The following SH3RF3 variants were observed in gnomAD, a reference collection of about 807,000 sequenced individuals.
SH3RF3 encodes the protein SH3 domain containing ring finger 3.
SH3RF3 carries 29 observed loss-of-function variants against 66.3 expected under a neutral mutation model. That is an observed-to-expected ratio of 0.44 (90% CI 0.33 to 0.60). The LOEUF (loss-of-function observed/expected upper bound fraction) is 0.60, where lower values mean the gene tolerates loss of function less well. SH3RF3 is among the 20% of genes least tolerant of loss of function. The pLI, the probability that SH3RF3 is intolerant of heterozygous loss-of-function variation, is 0.04. For missense variants in SH3RF3, 1,194 were observed against 1,190.9 expected (o/e 1.00, Z -0.04); for synonymous variants, 583 against 532.0 (o/e 1.10, Z -1.32).
intron 1 of SH3RF3, among the ~76,000 whole-genome samples, chr2:109,212,238 A>G (rs1679002452): frequency 6.6e-6 from 1 of 151,948 alleles, no homozygotes; most frequent in African/African-American, 2.4e-5. Context: ...TTGACTCCTC[A>G]CTTCCCTCCA....
chr2:109,300,148 G>A (rs1418491783), intron 1 of SH3RF3, among the ~76,000 whole-genome samples: 5 of 152,058 alleles, frequency 3.3e-5, no homozygotes, highest in Admixed American at 6.5e-5. Context: ...GCACACACAG[G>A]GATGGGAAGA....
intron 1 of SH3RF3, among the ~76,000 whole-genome samples, chr2:109,204,635 C>A (rs1012354845): frequency 6.6e-6 from 1 of 152,248 alleles, no homozygotes; most frequent in Non-Finnish European, 1.5e-5. Flanking sequence ...CCAGGTGTGA[C>A]AACCCACACA....
intron 4 of SH3RF3, among the ~76,000 whole-genome samples, chr2:109,406,589 GAAA>G (rs1676459082): frequency 5.9e-5 from 9 of 152,166 alleles, no homozygotes; most frequent in Admixed American, 2.0e-4. Context: ...TTTGGTAAAT[GAAA>G]GCTTTGCTGG....
At chr2:109,204,436 G>T (rs1240333834) in intron 1 of SH3RF3, among the ~76,000 whole-genome samples, 1 of 152,194 alleles carries the variant, frequency 6.6e-6, no homozygotes, top group Non-Finnish European at 1.5e-5. Flanking sequence ...AAAATCTGCT[G>T]TAGTTTTTGT....
chr2:109,446,787 G>A lies in SH3RF3; in HGVS notation c.1829-2383G>A, dbSNP rs142231853. On this transcript the variant is annotated intron_variant, in intron 7 of 9. Coordinates refer to ENST00000309415, the MANE Select transcript of SH3RF3 (RefSeq NM_001099289.3). ...ACTCCCTCTCTTCTTTGGTGCCTGG[G>A]ATGAGCAAAGTAGTGCGGCAGGCGA... Among the ~76,000 whole-genome samples the A allele has an allele frequency of 5.1e-3, 770 of 152,222 alleles. 5 individuals are homozygous for A. The highest frequency in any genetic ancestry group is 0.034 in the Middle Eastern group (10 of 294).
intron 8 of SH3RF3, among the ~76,000 whole-genome samples, chr2:109,458,597 A>AGAGAGAGAGAGAGT (rs1286372576): frequency 1.8e-4 from 27 of 150,474 alleles, no homozygotes; most frequent in African/African-American, 6.7e-4. Flanking sequence ...AGAGAGAGAG[A>AGAGAGAGAGAGAGT]GAGAATTTAT....
At chr2:109,437,186 G>A (rs1677429915) in intron 7 of SH3RF3, 40 bp downstream of exon 7, 3 of 1,568,918 alleles carry the variant, frequency 1.9e-6, no homozygotes, top group Non-Finnish European at 2.6e-6. Flanking sequence ...GCATCAACAA[G>A]GGGGCTTCCT....
rs534801065 is a variant in SH3RF3 at position 109,318,725 on chromosome 2, G to A, written c.574-28949G>A. Reference sequence around the variant, plus strand: ...CCAGAATCCGGGGCTGCCCTGGCCAGCCGCCAGATACTGACCCTTCTGGTC... The same window carrying A: ...CCAGAATCCGGGGCTGCCCTGGCCAACCGCCAGATACTGACCCTTCTGGTC... On this transcript the variant is annotated intron_variant, in intron 1 of 9. Transcript: ENST00000309415. Among the ~76,000 whole-genome samples, 313 of 152,304 alleles carry A rather than the reference G, an allele frequency of 2.1e-3. 1 individual carries two copies. Among genetic ancestry groups the A allele is most frequent in the African/African-American group, 6.9e-3 (286 of 41,572 alleles).
intron 1 of SH3RF3, among the ~76,000 whole-genome samples, chr2:109,234,975 C>A (rs1478454715): frequency 6.6e-6 from 1 of 152,216 alleles, no homozygotes; most frequent in African/African-American, 2.4e-5. Context: ...GTCACCAGAT[C>A]CCAACGTTTG....
chr2:109,303,291 C>T (rs569489909), intron 1 of SH3RF3, among the ~76,000 whole-genome samples: 2 of 152,214 alleles, frequency 1.3e-5, no homozygotes, highest in Non-Finnish European at 2.9e-5. Flanking sequence ...GAATTTGGAA[C>T]GTCCATCCAT....
chr2:109,298,779 C>T (rs1055150434), intron 1 of SH3RF3, among the ~76,000 whole-genome samples: 9 of 152,168 alleles, frequency 5.9e-5, no homozygotes, highest in African/African-American at 1.9e-4. Context: ...CTGGTCTGGT[C>T]CCTCTGTGTC....
chr2:109,319,067 TGG>T (rs1182955436), intron 1 of SH3RF3, among the ~76,000 whole-genome samples: 2 of 152,202 alleles, frequency 1.3e-5, no homozygotes, highest in African/African-American at 2.4e-5. Context: ...GTATCCTGCC[TGG>T]AACAGCTCAC....
chr2:109,436,880 T>C lies in SH3RF3; in HGVS notation c.1575-13T>C, dbSNP rs773179581. On this transcript the variant is annotated splice_polypyrimidine_tract_variant and intron_variant, in intron 6 of 9. Coordinates refer to ENST00000309415, the MANE Select transcript of SH3RF3 (RefSeq NM_001099289.3). ...AGCCTCTCATCAGAATTCCTTCTGC[T>C]TTCTCTCCACAGGGTGCCTGCAGGA... 7 of 1,610,836 alleles carry C rather than the reference T, an allele frequency of 4.3e-6. No homozygotes were observed. In the East Asian group the frequency reaches 1.6e-4, roughly 36 times the overall value.
At chr2:109,453,081 G>T (rs183768412) in intron 8 of SH3RF3, among the ~76,000 whole-genome samples, 3 of 152,180 alleles carry the variant, frequency 2.0e-5, no homozygotes, top group African/African-American at 7.2e-5. Flanking sequence ...TGTTCCCTGC[G>T]TGGCCCGATG....
rs1410338010 is a variant in SH3RF3, at chr2:109,419,549, C to T, written c.1310C>T (p.Ser437Phe). 4 of 1,595,658 alleles carry T rather than the reference C, an allele frequency of 2.5e-6. No homozygotes were observed. Among genetic ancestry groups the T allele is most frequent in the Non-Finnish European group, 2.6e-6 (3 of 1,171,784 alleles). Residue 437 changes from serine to phenylalanine, a missense_variant, in exon 5 of 10, where the codon TCC (serine) becomes TTC (phenylalanine). Transcript: ENST00000309415. Reference sequence around the variant, plus strand: ...CTTGTCTGTTTCCAGGATGTCTCCTCCTCGGCGGGATCTACCCCCACGGCT... The same window carrying T: ...CTTGTCTGTTTCCAGGATGTCTCCTTCTCGGCGGGATCTACCCCCACGGCT... ...SCAAPTQDVS[S>F]SAGSTPTAVP...
Position 109,134,681 on chromosome 2 carries a change from G to C in SH3RF3, c.573+4568G>C, listed in dbSNP as rs114545874. Among the ~76,000 whole-genome samples the C allele has an allele frequency of 5.9e-3, 894 of 152,188 alleles. 10 individuals carry two copies. The highest frequency in any genetic ancestry group is 0.022 in the South Asian group (108 of 4,814). ...CACACAGTTAATGAGGGTGTTTTTT[G>C]GAAGATTAACTTTGGCCTTGGTTAG... On this transcript the variant is annotated intron_variant, in intron 1 of 9. Transcript: ENST00000309415.
intron 1 of SH3RF3, among the ~76,000 whole-genome samples, chr2:109,241,870 A>G (rs1393607540): frequency 6.7e-6 from 1 of 150,218 alleles, no homozygotes; most frequent in African/African-American, 2.5e-5. Flanking sequence ...GGTTCACGCC[A>G]TTCTCCTGCC....
chr2:109,208,081 C>T (rs953065193), intron 1 of SH3RF3, among the ~76,000 whole-genome samples: 3 of 151,160 alleles, frequency 2.0e-5, no homozygotes, highest in African/African-American at 7.4e-5. Context: ...AATGCCTGTG[C>T]TGGGCACAGT....
At chr2:109,395,456 G>A (rs1676116806) in intron 3 of SH3RF3, among the ~76,000 whole-genome samples, 1 of 152,190 alleles carries the variant, frequency 6.6e-6, no homozygotes, top group South Asian at 2.1e-4. Flanking sequence ...AGGGATGCTG[G>A]GGATGCTGAA....
Sources: gnomAD v4.1 joint callset for allele counts (sites outside exome capture counted in the v4.1 genomes callset) on GRCh38, gnomAD v4.1.1 for gene constraint, MANE v1.5 for transcripts, NCBI Gene and HGNC (gene_info 2026-07-23, HGNC 2026-07-21) for gene names.